The following RNF150 variants were observed in gnomAD, a reference collection of about 807,000 sequenced individuals.
RNF150 encodes the protein ring finger protein 150.
In RNF150, 24 loss-of-function variants were observed where a neutral mutation model predicts 39.3. The observed-to-expected ratio is 0.61, with a 90% CI of 0.44 to 0.86. The LOEUF is 0.86. RNF150 is among the 40% of genes least tolerant of loss of function. The probability of loss-of-function intolerance (pLI) is 0.00; values close to 1 mark genes in which losing one functional copy is unlikely to be tolerated. For synonymous variants in RNF150, 255 were observed against 227.3 expected (o/e 1.12, Z -1.10); for missense variants, 502 against 587.8 (o/e 0.85, Z 1.51).
At chr4:140,999,965 AG>A (rs1280555569) in intron 1 of RNF150, among the ~76,000 whole-genome samples, 3 of 33,192 alleles carry the variant, frequency 9.0e-5, no homozygotes, top group African/African-American at 1.8e-4. Context: ...AAGAAGAAGA[AG>A]AAGAAGAAGA....
intron 1 of RNF150, among the ~76,000 whole-genome samples, chr4:141,187,215 A>T (rs1728028033): frequency 1.3e-5 from 2 of 152,276 alleles, no homozygotes; most frequent in South Asian, 4.1e-4. Flanking sequence ...CTGTGGTCTG[A>T]GAGACTGTTA....
chr4:140,991,900 TC>T (rs1288124596), intron 1 of RNF150, among the ~76,000 whole-genome samples: 8 of 152,180 alleles, frequency 5.3e-5, no homozygotes, highest in Non-Finnish European at 2.9e-5. Context: ...CTTCAGATAG[TC>T]CAAATCTTAA....
chr4:140,972,029 CA>C (rs35881946), intron 1 of RNF150, among the ~76,000 whole-genome samples: 8,352 of 144,902 alleles, frequency 0.058, 347 homozygotes, highest in African/African-American at 0.12. Flanking sequence ...ACTTAGGTGA[CA>C]AAAAAAAAAA....
chr4:141,186,817 T>C lies in RNF150; in HGVS notation c.-6+25977A>G, dbSNP rs192215282. On this transcript the variant is annotated intron_variant, in intron 1 of 7. Coordinates refer to the RNF150 transcript ENST00000420921. ...CAAAAAAAACCAGCTCCTGGATTCA[T>C]TGATTTTTTGAAGGGTTTTTCATGT... is the stretch of plus-strand genomic sequence containing the variant. Among the ~76,000 whole-genome samples the C allele has an allele frequency of 2.0e-3, 299 of 152,320 alleles. 1 individual carries two copies. The highest frequency in any genetic ancestry group is 6.7e-3 in the African/African-American group (280 of 41,564).
chr4:140,916,787 A>G (rs1730851649), intron 5 of RNF150, among the ~76,000 whole-genome samples: 1 of 152,236 alleles, frequency 6.6e-6, no homozygotes, highest in Non-Finnish European at 1.5e-5. Flanking sequence ...AAGGGCAGCC[A>G]GAGAGAAAGG....
intron 1 of RNF150, among the ~76,000 whole-genome samples, chr4:141,103,340 T>C (rs1198708053): frequency 6.6e-6 from 1 of 152,218 alleles, no homozygotes; most frequent in Non-Finnish European, 1.5e-5. Flanking sequence ...GAGCCCTTCC[T>C]TTTAATGATG....
upstream of RNF150, among the ~76,000 whole-genome samples, chr4:141,134,665 A>G (rs547326962): frequency 6.6e-6 from 1 of 152,234 alleles, no homozygotes; most frequent in Non-Finnish European, 1.5e-5. Flanking sequence ...ATTTGTCTCT[A>G]TGGCATTTGA....
At chr4:141,169,755 T>C (rs879661621) in intron 1 of RNF150, among the ~76,000 whole-genome samples, 1 of 152,154 alleles carries the variant, frequency 6.6e-6, no homozygotes, top group Non-Finnish European at 1.5e-5. Context: ...TTTGTTGTAA[T>C]ATTTGCCATT....
At chr4:140,990,796 T>C (rs138454548) in intron 1 of RNF150, among the ~76,000 whole-genome samples, 1 of 152,172 alleles carries the variant, frequency 6.6e-6, no homozygotes, top group African/African-American at 2.4e-5. Flanking sequence ...GCAATGAACA[T>C]ACGTGTGCAT....
At chr4:140,883,236 AG>A (rs1014995410) in intron 6 of RNF150, among the ~76,000 whole-genome samples, 5 of 152,164 alleles carry the variant, frequency 3.3e-5, no homozygotes, top group African/African-American at 1.2e-4. Flanking sequence ...CATCCATTAA[AG>A]TAGTTTTTTT....
At chr4:141,053,613 T>C in intron 1 of RNF150, 1 of 794,652 alleles carries the variant, frequency 1.3e-6, no homozygotes, top group Non-Finnish European at 1.8e-6. Context: ...AAGGAAGATA[T>C]CATGGAAGTC....
chr4:140,881,745 G>C (rs1004643917), intron 6 of RNF150, among the ~76,000 whole-genome samples: 3 of 152,096 alleles, frequency 2.0e-5, no homozygotes, highest in African/African-American at 7.2e-5. Flanking sequence ...GCCAAGTGTA[G>C]TGACATGTAC....
In RNF150 at chr4:140,860,638, G is replaced by A. The variant is rs1728448881; in HGVS notation, c.*7623C>T. On this transcript the variant is annotated 3_prime_UTR_variant, in exon 7 of 7. Transcript: ENST00000515673. ...TTTGTTTACAATAAAAGTAATTTGT[G>A]TTAGGATGGAAAAAAAGCCATTGGA... 6.6e-6 allele frequency: 1 copy of A among 152,174 alleles called. No individual in the cohort carries two copies. The highest frequency in any genetic ancestry group is 2.4e-5 in the African/African-American group (1 of 41,442). 9.4% of individuals were successfully genotyped at this position (152,174 alleles called of 1,614,324 possible). A position where few individuals can be genotyped will look rare whatever the true frequency, so the allele number is the denominator to read the frequency against.
intron 1 of RNF150, among the ~76,000 whole-genome samples, chr4:141,029,656 A>G (rs1483876795): frequency 6.6e-6 from 1 of 152,210 alleles, no homozygotes; most frequent in Non-Finnish European, 1.5e-5. Flanking sequence ...GCCTCAGCAG[A>G]GCAGCCAAAG....
intron 1 of RNF150, among the ~76,000 whole-genome samples, chr4:141,103,710 C>A (rs1739099357): frequency 6.7e-6 from 1 of 148,990 alleles, no homozygotes; most frequent in Non-Finnish European, 1.5e-5. Flanking sequence ...TATTATATAA[C>A]CCTCTGAATT....
At chr4:141,158,853 C>T (rs972589873) in intron 1 of RNF150, among the ~76,000 whole-genome samples, 2 of 151,702 alleles carry the variant, frequency 1.3e-5, no homozygotes, top group African/African-American at 4.8e-5. Flanking sequence ...CCTGAACCAT[C>T]CTTCCAATTT....
At chr4:141,176,017 T>C (rs1398322183) in intron 1 of RNF150, among the ~76,000 whole-genome samples, 1 of 151,984 alleles carries the variant, frequency 6.6e-6, no homozygotes, top group Non-Finnish European at 1.5e-5. Flanking sequence ...CTCGAGTAGC[T>C]GAGACTACAA....
chr4:141,211,419 C>G (rs554546288), intron 1 of RNF150, among the ~76,000 whole-genome samples: 2 of 152,208 alleles, frequency 1.3e-5, no homozygotes, highest in South Asian at 4.1e-4. Flanking sequence ...TAATTTAAGT[C>G]AATAATTATT....
intron 1 of RNF150, among the ~76,000 whole-genome samples, chr4:141,168,575 A>G (rs1473312662): frequency 6.6e-6 from 1 of 152,244 alleles, no homozygotes; most frequent in African/African-American, 2.4e-5. Context: ...CTGGATAAAG[A>G]AAATGTGGCA....
Sources: allele counts gnomAD v4.1 joint callset (sites outside exome capture counted in the v4.1 genomes callset), GRCh38; gene constraint gnomAD v4.1.1; transcripts MANE v1.5; gene names NCBI Gene and HGNC (gene_info 2026-07-23, HGNC 2026-07-21).